DLGAP1: variants seen among roughly 807,000 people sequenced by gnomAD.
DLGAP1 encodes the protein DLG associated protein 1.
Under a neutral mutation model 90.8 loss-of-function variants are expected in DLGAP1, and 11 were observed. The observed-to-expected ratio is 0.12, with a 90% CI of 0.08 to 0.20. DLGAP1 has a LOEUF of 0.20. Ranked by LOEUF, DLGAP1 falls within the 10% of genes least tolerant of loss-of-function variation. The probability of loss-of-function intolerance (pLI) is 1.00; values close to 1 mark genes in which losing one functional copy is unlikely to be tolerated. For missense variants in DLGAP1, 1,050 were observed against 1,333.8 expected, an observed-to-expected ratio of 0.79 and a Z score of 3.31; for synonymous variants, 558 against 540.7, an observed-to-expected ratio of 1.03 and a Z score of -0.44.
chr18:4,209,555 G>T (rs907105729), intron 1 of DLGAP1, among the ~76,000 whole-genome samples: 2 of 152,066 alleles, frequency 1.3e-5, no homozygotes, highest in African/African-American at 4.8e-5. Context: ...TTTTAATTTA[G>T]TAAAATTAAA....
chr18:3,849,634 A>G (rs1175887090), intron 4 of DLGAP1, among the ~76,000 whole-genome samples: 7 of 152,188 alleles, frequency 4.6e-5, no homozygotes, highest in Non-Finnish European at 4.4e-5. Flanking sequence ...GAACCAGGGC[A>G]GAGCTCCCAG....
chr18:4,249,203 C>T (rs2078723292), intron 1 of DLGAP1, among the ~76,000 whole-genome samples: 1 of 152,138 alleles, frequency 6.6e-6, no homozygotes, highest in African/African-American at 2.4e-5. Context: ...CAGATGTGAA[C>T]TACATGAGGA....
intron 1 of DLGAP1, among the ~76,000 whole-genome samples, chr18:4,322,943 GAAAAAAAAAAA>G: frequency 1.0e-5 from 1 of 97,612 alleles, no homozygotes; most frequent in African/African-American, 4.0e-5. Flanking sequence ...CCTGGGCACA[GAAAAAAAAAAA>G]AAAAAAAAAA....
intron 3 of DLGAP1, among the ~76,000 whole-genome samples, chr18:3,897,961 A>AT (rs1331202373): frequency 7.3e-5 from 11 of 150,830 alleles, no homozygotes; most frequent in Admixed American, 5.3e-4. Flanking sequence ...CGCCCGGCTA[A>AT]TTTTTTGTAT....
chr18:4,153,971 GAC>G (rs1568424119), intron 1 of DLGAP1, among the ~76,000 whole-genome samples: 3 of 152,170 alleles, frequency 2.0e-5, no homozygotes, highest in African/African-American at 7.2e-5. Context: ...GAATGGAAGA[GAC>G]ACACATGGAA....
At chr18:4,214,875 C>CAAA (rs2077920264) in intron 1 of DLGAP1, among the ~76,000 whole-genome samples, 1 of 152,008 alleles carries the variant, frequency 6.6e-6, no homozygotes, top group South Asian at 2.1e-4. Context: ...AAACAAACAC[C>CAAA]AGAATTTTTT....
At chr18:3,783,092 C>T (rs2148143314) in intron 5 of DLGAP1, among the ~76,000 whole-genome samples, 1 of 152,162 alleles carries the variant, frequency 6.6e-6, no homozygotes, top group East Asian at 1.9e-4. Flanking sequence ...AAATCAAAAC[C>T]ACAGTGAATT....
chr18:4,118,481 T>C (rs2076098510), intron 2 of DLGAP1, among the ~76,000 whole-genome samples: 1 of 152,186 alleles, frequency 6.6e-6, no homozygotes, highest in Non-Finnish European at 1.5e-5. Flanking sequence ...CTCCTAGCTA[T>C]GCCTGGGGAA....
intron 9 of DLGAP1, among the ~76,000 whole-genome samples, chr18:3,557,694 T>C (rs890993201): frequency 2.6e-5 from 4 of 152,164 alleles, no homozygotes; most frequent in Non-Finnish European, 5.9e-5. Flanking sequence ...AGAGCAGATA[T>C]GATATGATTT....
intron 3 of DLGAP1, among the ~76,000 whole-genome samples, chr18:3,990,911 T>G (rs1443153299): frequency 1.3e-5 from 2 of 151,268 alleles, no homozygotes; most frequent in Non-Finnish European, 3.0e-5. Flanking sequence ...AACCACTCAC[T>G]TTTTTTTGGC....
rs1033217768 is a variant in DLGAP1 at position 4,221,718 on chromosome 18, T to C, written c.-266-70431A>G. On this transcript the variant is annotated intron_variant, in intron 1 of 12. Transcript: ENST00000315677. ...CTGAAATTTTAAAGGTATTTTTTAC[T>C]GCCTCATACTTTACTCTATGTTGAC... Among the ~76,000 whole-genome samples, 5 of 152,158 alleles carry C rather than the reference T, an allele frequency of 3.3e-5. No individual in the cohort carries two copies. The South Asian group carries it at 6.2e-4, about 19-fold the overall frequency.
intron 3 of DLGAP1, among the ~76,000 whole-genome samples, chr18:3,960,345 G>A (rs116075079): frequency 2.0e-5 from 3 of 152,200 alleles, no homozygotes; most frequent in East Asian, 1.9e-4. Flanking sequence ...GAAGGAGGTC[G>A]GGGAAGCCAG....
intron 5 of DLGAP1, among the ~76,000 whole-genome samples, chr18:3,799,499 C>CT (rs36090682): frequency 0.54 from 78,167 of 144,176 alleles, 22,258 homozygotes; most frequent in Non-Finnish European, 0.65. Flanking sequence ...AACGTAGTGC[C>CT]TTTTTTTTTT....
chr18:4,348,407 T>TGTGC (rs1344943771), intron 1 of DLGAP1, among the ~76,000 whole-genome samples: 67 of 145,926 alleles, frequency 4.6e-4, no homozygotes, highest in African/African-American at 1.6e-3. Flanking sequence ...GGAATGTGTG[T>TGTGC]GTGTGTGTGT....
At chr18:3,644,226 G>T (rs2059039292) in intron 7 of DLGAP1, among the ~76,000 whole-genome samples, 1 of 152,102 alleles carries the variant, frequency 6.6e-6, no homozygotes, top group South Asian at 2.1e-4. Flanking sequence ...AACATCACAG[G>T]ACATGTACTA....
chr18:4,248,709 A>C (rs577917730), intron 1 of DLGAP1: 3 of 152,322 alleles, frequency 2.0e-5, no homozygotes, highest in Non-Finnish European at 2.9e-5. Context: ...TCTCCCTCTC[A>C]GACTATTCTC....
intron 5 of DLGAP1, among the ~76,000 whole-genome samples, chr18:3,799,679 T>C (rs925187397): frequency 6.6e-6 from 1 of 152,148 alleles, no homozygotes; most frequent in African/African-American, 2.4e-5. Context: ...GTGGTTGCTA[T>C]GGGCAACCAC....
chr18:3,939,146 TG>T (rs1399197003), intron 3 of DLGAP1, among the ~76,000 whole-genome samples: 17 of 141,394 alleles, frequency 1.2e-4, no homozygotes, highest in Non-Finnish European at 2.3e-4. Flanking sequence ...GTGGCTTAGG[TG>T]GGTGGTGGCT....
intron 3 of DLGAP1, among the ~76,000 whole-genome samples, chr18:3,994,995 C>G (rs983173083): frequency 6.6e-6 from 1 of 152,188 alleles, no homozygotes; most frequent in Admixed American, 6.5e-5. Flanking sequence ...TTTACCTCAT[C>G]ATACATTAAG....
Sources: gnomAD v4.1 joint callset for allele counts (sites outside exome capture counted in the v4.1 genomes callset) on GRCh38, gnomAD v4.1.1 for gene constraint, MANE v1.5 for transcripts, NCBI Gene and HGNC (gene_info 2026-07-23, HGNC 2026-07-21) for gene names.